The following ZBED1 variants were observed in gnomAD, a reference collection of about 807,000 sequenced individuals.
ZBED1 encodes zinc finger BED-type containing 1.
Under a neutral mutation model 49.7 loss-of-function variants are expected in ZBED1, and 19 were observed. That is an observed-to-expected ratio of 0.38 (90% confidence interval 0.27 to 0.56). The LOEUF (loss-of-function observed/expected upper bound fraction) is 0.56. Ranked by LOEUF, ZBED1 falls within the 20% of genes least tolerant of loss-of-function variation. ZBED1 has a pLI of 0.70. For missense variants in ZBED1, 806 were observed against 972.6 expected, an observed-to-expected ratio of 0.83 and a Z score of 2.28; for synonymous variants, 439 against 440.3, an observed-to-expected ratio of 1.00 and a Z score of 0.04.
intron 1 of ZBED1, among the ~76,000 whole-genome samples, chrX:2,497,332 G>A (rs2045310441): frequency 6.6e-6 from 1 of 152,210 alleles, no homozygotes; most frequent in African/African-American, 2.4e-5. Context: ...GGCAGAGGTT[G>A]TGGTGAGCTG....
chrX:2,500,650 C>T (rs1199231708), intron 1 of ZBED1, 167 bp downstream of exon 1: 8 of 109,240 alleles, frequency 7.3e-5, no homozygotes, highest in African/African-American at 3.5e-4. Context: ...CCAGCGCGCA[C>T]GCCGCCCCCC....
rs769749539 is a variant in ZBED1 at position 2,489,362 on chromosome X, T to C, written c.1358A>G (p.Lys453Arg). The change falls in exon 2 of 2, where the codon AAG (lysine) becomes AGG (arginine). Residue 453 changes from lysine to arginine, a missense_variant. Coordinates refer to ENST00000652001, the MANE Select transcript of ZBED1 (RefSeq NM_001171136.2). ...ELSMAKEVIA[K>R]ELSKTYQETP... Reference sequence around the variant, plus strand: ...CTCCTGGTAGGTCTTGGAAAGCTCCTTGGCGATGACCTCCTTGGCCATGCT... The same window carrying C: ...CTCCTGGTAGGTCTTGGAAAGCTCCCTGGCGATGACCTCCTTGGCCATGCT... The C allele has an allele frequency of 8.1e-6, 13 of 1,613,962 alleles. No homozygotes were observed. In the South Asian group the frequency reaches 1.2e-4, roughly 15 times the overall value.
intron 1 of ZBED1, among the ~76,000 whole-genome samples, chrX:2,497,961 G>A (rs1029052563): frequency 2.0e-5 from 3 of 152,254 alleles, no homozygotes; most frequent in Non-Finnish European, 2.9e-5. Flanking sequence ...TGAATGGGCC[G>A]CATGGATATA....
At chrX:2,498,868 C>CT (rs1211540907) in intron 1 of ZBED1, among the ~76,000 whole-genome samples, 6 of 152,280 alleles carry the variant, frequency 3.9e-5, no homozygotes, top group Non-Finnish European at 5.9e-5. Flanking sequence ...CAACTGATTA[C>CT]TTACTTCAAA....
chrX:2,499,601 T>A (rs2045362345), intron 1 of ZBED1, among the ~76,000 whole-genome samples: 1 of 151,840 alleles, frequency 6.6e-6, no homozygotes, highest in South Asian at 2.1e-4. Context: ...TGAGATGCCA[T>A]CTCTACAAAA....
intron 1 of ZBED1, 46 bp from the exon 2 acceptor site, chrX:2,490,818 C>G (rs1009027603): frequency 2.5e-5 from 37 of 1,497,040 alleles, no homozygotes; most frequent in Non-Finnish European, 3.2e-5. Context: ...GACCCAGGCA[C>G]GCACGGGAGC....
intron 1 of ZBED1, among the ~76,000 whole-genome samples, chrX:2,498,246 C>CT (rs1380378020): frequency 6.6e-6 from 1 of 152,180 alleles, no homozygotes; most frequent in Non-Finnish European, 1.5e-5. Flanking sequence ...TAAGAAAAAA[C>CT]TGCCCTTGCT....
intron 1 of ZBED1, among the ~76,000 whole-genome samples, chrX:2,496,312 C>T (rs1425544590): frequency 2.0e-5 from 3 of 152,154 alleles, no homozygotes; most frequent in African/African-American, 7.2e-5. Context: ...CATTCTCCTG[C>T]CTCAGCCTCC....
At chrX:2,495,934 G>A (rs917314292) in intron 1 of ZBED1, among the ~76,000 whole-genome samples, 1 of 152,244 alleles carries the variant, frequency 6.6e-6, no homozygotes, top group East Asian at 1.9e-4. Flanking sequence ...AGAGGAAGGA[G>A]CCAGCCGCCA....
chrX:2,491,289 C>T (rs1219870340), intron 1 of ZBED1, among the ~76,000 whole-genome samples: 1 of 152,052 alleles, frequency 6.6e-6, no homozygotes, highest in Non-Finnish European at 1.5e-5. Context: ...AGGCTGGTCT[C>T]GAACTCCTGA....
Position 2,490,361 on chromosome X carries a change from C to T in ZBED1, c.359G>A (p.Ser120Asn), listed in dbSNP as rs1425765821. 1 of 1,613,484 alleles carries T rather than the reference C, an allele frequency of 6.2e-7. No individual in the cohort carries two copies. Among genetic ancestry groups the T allele is most frequent in the Non-Finnish European group, 8.5e-7 (1 of 1,179,812 alleles). Residue 120 changes from serine to asparagine, a missense_variant, in exon 2 of 2, where the codon AGC (serine) becomes AAC (asparagine). Physicochemically the swap from Ser to Asn is conservative, Grantham distance 46. Coordinates refer to ENST00000652001, the MANE Select transcript of ZBED1 (RefSeq NM_001171136.2). ...GGCCGTCAGCTCCTGCTGCTTCTTG[C>T]TGTCGTAGCCGTGGCCGGCCTTGAC... Reference protein sequence around the residue: ...LAVKAGHGYDSKKQQELTAAV... With the variant: ...LAVKAGHGYDNKKQQELTAAV...
In ZBED1 at chrX:2,489,261, C is replaced by T. The variant is rs2045052351; in HGVS notation, c.1459G>A (p.Ala487Thr). ...TTCTCCACCTGCTGCCGCTCGAAGGCGGAGAGGAAGGGCAGCCTCTTGTAG... is the reference window on the plus strand; with the variant it reads ...TTCTCCACCTGCTGCCGCTCGAAGGTGGAGAGGAAGGGCAGCCTCTTGTAG... ...PRYKRLPFLS[A>T]FERQQVENRV... Residue 487 changes from alanine (A) to threonine (T), a missense_variant, in exon 2 of 2, where the codon GCC (alanine) becomes ACC (threonine). Ala to Thr is a moderately conservative substitution (Grantham distance 58, BLOSUM62 0). This residue lies in a region of ZBED1 where 749 missense variants were observed against 861.3 expected (regional missense o/e 0.87). Transcript: ENST00000652001. 5.0e-6 allele frequency: 8 copies of T among 1,613,924 alleles called. No homozygotes were observed. Among genetic ancestry groups the T allele is most frequent in the Non-Finnish European group, 4.2e-6 (5 of 1,179,842 alleles).
chrX:2,500,770 G>GC, intron 1 of ZBED1, 47 bp downstream of exon 1: 1 of 787,486 alleles, frequency 1.3e-6, no homozygotes, highest in Non-Finnish European at 1.5e-6. Flanking sequence ...GCCAGCCCGC[G>GC]CCCACCCGGG....
rs1466561621 is a variant in ZBED1, at chrX:2,488,396, A to C, written c.*239T>G. 1.4e-5 allele frequency: 7 copies of C among 484,158 alleles called. No individual in the cohort carries two copies. The highest frequency in any genetic ancestry group is 2.5e-5 in the Non-Finnish European group (7 of 283,750). 30.0% of individuals were successfully genotyped at this position (484,158 alleles called of 1,614,324 possible). A position where few individuals can be genotyped will look rare whatever the true frequency, so the allele number is the denominator to read the frequency against. Reference sequence around the variant, plus strand: ...CGCCATGTTGGCCAGGCTGGTCTCGATCTCCTGACCTCAGCTGATCTGCCC... The same window carrying C: ...CGCCATGTTGGCCAGGCTGGTCTCGCTCTCCTGACCTCAGCTGATCTGCCC... On this transcript the variant is annotated 3_prime_UTR_variant, in exon 2 of 2. Transcript: ENST00000652001.
At position 2,488,835 on chromosome X, in the gene ZBED1, C is replaced by A. The variant is rs776217070; in HGVS notation, c.1885G>T (p.Val629Phe). ...ERLFGSAANV[V>F]SAKRNRLAPA... Reference sequence around the variant, plus strand: ...GCCAGCCGGTTCCTCTTGGCGCTGACCACGTTGGCGGCGGATCCGAAGAGA... The same window carrying A: ...GCCAGCCGGTTCCTCTTGGCGCTGAACACGTTGGCGGCGGATCCGAAGAGA... Residue 629 changes from valine to phenylalanine, a missense_variant, in exon 2 of 2, where the codon GTC becomes TTC. Val to Phe is a conservative substitution (Grantham distance 50). Transcript: ENST00000652001. The A allele has an allele frequency of 6.2e-7, 1 of 1,613,700 alleles. No individual in the cohort carries two copies. The highest frequency in any genetic ancestry group is 1.7e-5 in the Admixed American group (1 of 59,996).
At chrX:2,493,282 C>A (rs897385291) in intron 1 of ZBED1, among the ~76,000 whole-genome samples, 1 of 152,154 alleles carries the variant, frequency 6.6e-6, no homozygotes, top group Admixed American at 6.5e-5. Flanking sequence ...CTAAGTCCGA[C>A]CTGAGTGACA....
chrX:2,500,889 C>G lies in ZBED1; in HGVS notation c.-126G>C. 1 of 1,140,274 alleles carries G rather than the reference C, an allele frequency of 8.8e-7. No individual in the cohort carries two copies. Among genetic ancestry groups the G allele is most frequent in the Non-Finnish European group, 1.1e-6 (1 of 925,326 alleles). The allele number at this position is 1,140,274 out of a possible 1,614,324, so 70.6% of individuals were successfully genotyped here. On this transcript the variant is annotated 5_prime_UTR_variant, in exon 1 of 2. Coordinates refer to ENST00000652001, the MANE Select transcript of ZBED1 (RefSeq NM_001171136.2). ...ATCACCGCGGCGCCTACCGCGTAGA[C>G]CCGCAGGGCCGCCCGCGCCGCAGAC... is the stretch of plus-strand genomic sequence containing the variant.
At chrX:2,495,648 C>CCCTCCTTCCTCCTTCCTCCTT (rs764923016) in intron 1 of ZBED1, among the ~76,000 whole-genome samples, 31 of 152,094 alleles carry the variant, frequency 2.0e-4, no homozygotes, top group Admixed American at 1.4e-3. Context: ...GCAGTGAGTA[C>CCCTCCTTCCTCCTTCCTCCTT]CCTCCTTCCT....
rs973716430 is a variant in ZBED1, at chrX:2,490,036, C to A, written c.684G>T (p.Met228Ile). 2 of 1,613,684 alleles carry A rather than the reference C, an allele frequency of 1.2e-6. No homozygotes were observed. Among genetic ancestry groups the A allele is most frequent in the Non-Finnish European group, 1.7e-6 (2 of 1,179,872 alleles). The change falls in exon 2 of 2, where the codon ATG becomes ATT. Residue 228 changes from methionine (M) to isoleucine (I), a missense_variant. This residue lies in a region of ZBED1 where 749 missense variants were observed against 861.3 expected (regional missense o/e 0.87). Transcript: ENST00000652001. ...LGLGAPNCLS[M>I]GSRCLKTFEV... is the part of the protein sequence containing the mutation. Reference sequence around the variant, plus strand: ...CGAAGGTCTTCAGGCAGCGGGAGCCCATGGACAGGCAGTTGGGGGCGCCCA... The same window carrying A: ...CGAAGGTCTTCAGGCAGCGGGAGCCAATGGACAGGCAGTTGGGGGCGCCCA...
Sources: allele counts gnomAD v4.1 joint callset (sites outside exome capture counted in the v4.1 genomes callset), GRCh38; gene constraint gnomAD v4.1.1; regional missense constraint gnomAD v4.1.1; transcripts MANE v1.5; gene names NCBI Gene and HGNC (gene_info 2026-07-23, HGNC 2026-07-21).